The following MCF2L2 variants were observed in gnomAD, a reference collection of about 807,000 sequenced individuals.
MCF2L2 encodes probable guanine nucleotide exchange factor MCF2L2.
Under a neutral mutation model 150.2 loss-of-function variants are expected in MCF2L2, and 102 were observed. The observed-to-expected ratio is 0.68, with a 90% CI of 0.58 to 0.80. The LOEUF (loss-of-function observed/expected upper bound fraction) is 0.80, where lower values mean the gene tolerates loss of function less well. MCF2L2 is among the 30% of genes least tolerant of loss of function. MCF2L2 has a pLI of 0.00. For synonymous variants in MCF2L2, 465 were observed against 491.3 expected (o/e 0.95, Z 0.71); for missense variants, 1,256 against 1,372.8 (o/e 0.91, Z 1.34).
At chr3:183,405,684 T>C (rs1359881101) in intron 1 of MCF2L2, among the ~76,000 whole-genome samples, 1 of 152,230 alleles carries the variant, frequency 6.6e-6, no homozygotes, top group Non-Finnish European at 1.5e-5. Context: ...AGTTTATCAA[T>C]TCTCCAGGTG....
At chr3:183,293,677 C>T (rs1262925267) in intron 13 of MCF2L2, among the ~76,000 whole-genome samples, 1 of 152,152 alleles carries the variant, frequency 6.6e-6, no homozygotes, top group Non-Finnish European at 1.5e-5. Context: ...ACACAGATGT[C>T]TGCTCTCACC....
intron 27 of MCF2L2, 161 bp from the exon 28 acceptor site, chr3:183,180,320 C>T: frequency 1.8e-6 from 1 of 567,324 alleles, no homozygotes; most frequent in Non-Finnish European, 3.1e-6. Flanking sequence ...GTGAGGGGGT[C>T]TGTGATCTCC....
At chr3:183,394,533 C>T (rs1251677968) in intron 1 of MCF2L2, among the ~76,000 whole-genome samples, 1 of 152,230 alleles carries the variant, frequency 6.6e-6, no homozygotes, top group East Asian at 1.9e-4. Flanking sequence ...TTTCACTGCT[C>T]TGTTTTATTG....
chr3:183,350,232 C>T (rs757981740), intron 3 of MCF2L2, among the ~76,000 whole-genome samples: 1 of 152,110 alleles, frequency 6.6e-6, no homozygotes. Context: ...CAAGGAATCA[C>T]GACAATGACT....
intron 1 of MCF2L2, among the ~76,000 whole-genome samples, chr3:183,418,618 TGGC>T (rs1245331047): frequency 6.6e-6 from 1 of 152,180 alleles, no homozygotes; most frequent in African/African-American, 2.4e-5. Context: ...TTAGAGAAAC[TGGC>T]AAAAACAAAG....
intron 5 of MCF2L2, among the ~76,000 whole-genome samples, chr3:183,328,231 A>T (rs1338618530): frequency 6.6e-6 from 1 of 152,182 alleles, no homozygotes; most frequent in African/African-American, 2.4e-5. Flanking sequence ...GCTGTTCCTG[A>T]GTTATATCCT....
intron 27 of MCF2L2, among the ~76,000 whole-genome samples, chr3:183,185,563 T>C (rs976999707): frequency 1.3e-5 from 2 of 152,252 alleles, no homozygotes; most frequent in African/African-American, 4.8e-5. Context: ...CTTTGAGACC[T>C]GAGTTTGAGC....
chr3:183,284,105 C>G (rs1343156939), intron 14 of MCF2L2, among the ~76,000 whole-genome samples: 1 of 152,108 alleles, frequency 6.6e-6, no homozygotes, highest in African/African-American at 2.4e-5. Flanking sequence ...GTTGAACACA[C>G]CAAATATTTT....
chr3:183,192,932 T>C, intron 27 of MCF2L2, 67 bp downstream of exon 27: 1 of 1,187,238 alleles, frequency 8.4e-7, no homozygotes, highest in Non-Finnish European at 1.2e-6. Flanking sequence ...ATGTCTTCCT[T>C]AGCATCTAAG....
chr3:183,238,183 G>T (rs1723826654), intron 15 of MCF2L2, among the ~76,000 whole-genome samples: 1 of 151,372 alleles, frequency 6.6e-6, no homozygotes, highest in Admixed American at 6.6e-5. Flanking sequence ...CCAACCTGCG[G>T]CCTGTGGCCC....
intron 1 of MCF2L2, among the ~76,000 whole-genome samples, chr3:183,391,575 C>T (rs1432274527): frequency 6.6e-6 from 1 of 152,136 alleles, no homozygotes; most frequent in Non-Finnish European, 1.5e-5. Flanking sequence ...CTGACAAATA[C>T]TCCAGCACTC....
chr3:183,249,151 A>G (rs1419656786), intron 15 of MCF2L2, among the ~76,000 whole-genome samples: 1 of 152,208 alleles, frequency 6.6e-6, no homozygotes, highest in Non-Finnish European at 1.5e-5. Flanking sequence ...TCCCTCACTC[A>G]ATTTGCATGT....
chr3:183,360,049 A>C lies in MCF2L2; in HGVS notation c.276-18419T>G, dbSNP rs575627917. Among the ~76,000 whole-genome samples the C allele has an allele frequency of 2.0e-5, 3 of 152,348 alleles. No individual in the cohort carries two copies. The South Asian group carries it at 6.2e-4, about 32-fold the overall frequency. The stretch of plus-strand genomic sequence containing the variant: ...GCCAAAATGGTTCTGAATCAAGCCG[A>C]TTGTGATAATAGTGATGGTAAAGAC... On this transcript the variant is annotated intron_variant, in intron 3 of 29. Coordinates refer to ENST00000328913, the MANE Select transcript of MCF2L2 (RefSeq NM_015078.4).
At position 183,346,299 on chromosome 3, in the gene MCF2L2, C is replaced by T. The variant is rs1291482648; in HGVS notation, c.276-4669G>A. 2.0e-5 allele frequency among the ~76,000 whole-genome samples: 3 copies of T among 152,140 alleles called. No individual in the cohort carries two copies. The South Asian group carries it at 6.2e-4, about 32-fold the overall frequency. On this transcript the variant is annotated intron_variant, in intron 3 of 29. Transcript: ENST00000328913. ...AATGTAATCCATCACATAAACAGAACCAAAGACAAAAACCACATGATTATC... is the reference window on the plus strand; with the variant it reads ...AATGTAATCCATCACATAAACAGAATCAAAGACAAAAACCACATGATTATC...
chr3:183,183,791 G>A (rs752638223), intron 27 of MCF2L2, among the ~76,000 whole-genome samples: 1 of 152,082 alleles, frequency 6.6e-6, no homozygotes, highest in Non-Finnish European at 1.5e-5. Context: ...ACAGCTCTGG[G>A]CACTCCAGGT....
rs1716278087 is a variant in MCF2L2 at position 183,428,299 on chromosome 3, G to C, written c.-322C>G. On this transcript the variant is annotated 5_prime_UTR_variant, in exon 1 of 30. Coordinates refer to ENST00000328913, the MANE Select transcript of MCF2L2 (RefSeq NM_015078.4). The surrounding 1 kb of genome is among the most constrained non-coding windows in gnomAD (Gnocchi z 5.1). ...CGGCTCCTCCGGCCGGGCGAGCTCCGGGGCTTCCAGAATCGCGGTCCCGGC... is the reference window on the plus strand; with the variant it reads ...CGGCTCCTCCGGCCGGGCGAGCTCCCGGGCTTCCAGAATCGCGGTCCCGGC... The C allele has an allele frequency of 5.7e-5, 18 of 317,184 alleles. No homozygotes were observed. The South Asian group carries it at 6.4e-4, about 11-fold the overall frequency. The allele number at this position is 317,184 out of a possible 1,614,324, so 19.6% of individuals were successfully genotyped here.
At position 183,217,294 on chromosome 3, in the gene MCF2L2, C is replaced by CAAA. The variant is rs35973262; in HGVS notation, c.2371-1203_2371-1201dup. Among the ~76,000 whole-genome samples the CAAA allele has an allele frequency of 5.2e-3, 79 of 15,200 alleles. 11 individuals are homozygous for CAAA. Among genetic ancestry groups the CAAA allele is most frequent in the African/African-American group, 0.017 (70 of 4,090 alleles). 10.0% of individuals were successfully genotyped at this position (15,200 alleles called of 152,430 possible). A position where few individuals can be genotyped will look rare whatever the true frequency, so the allele number is the denominator to read the frequency against. On this transcript the variant is annotated intron_variant, in intron 21 of 29. Coordinates refer to ENST00000328913, the MANE Select transcript of MCF2L2 (RefSeq NM_015078.4). ...GGGTAACAAGAGTGAAACCCCGTCT[C>CAAA]AAAAAAAAAAAAAAAAAAAAAAAAA...
At chr3:183,205,651 A>T (rs1185104012) in intron 25 of MCF2L2, among the ~76,000 whole-genome samples, 1 of 152,176 alleles carries the variant, frequency 6.6e-6, no homozygotes, top group Non-Finnish European at 1.5e-5. Context: ...GGTGGGGGGA[A>T]CACAACCAAA....
At chr3:183,398,728 G>A (rs998761496) in intron 1 of MCF2L2, among the ~76,000 whole-genome samples, 1 of 152,054 alleles carries the variant, frequency 6.6e-6, no homozygotes, top group Admixed American at 6.5e-5. Flanking sequence ...TGTTGCTTTA[G>A]TCCGAAAAGT....
Sources: allele counts gnomAD v4.1 joint callset (sites outside exome capture counted in the v4.1 genomes callset), GRCh38; gene constraint gnomAD v4.1.1; non-coding constraint Gnocchi (gnomAD v3.1); transcripts MANE v1.5; gene names NCBI Gene and HGNC (gene_info 2026-07-23, HGNC 2026-07-21).